Variants in SLC22A23 observed in about 807,000 individuals in gnomAD.
SLC22A23 encodes the protein solute carrier family 22 member 23.
A neutral mutation model predicts 61.0 loss-of-function variants in SLC22A23; 26 were observed. The ratio of observed to expected loss-of-function variants is 0.43; its 90% CI spans 0.31 to 0.59. The LOEUF is 0.59. SLC22A23 is among the 20% of genes least tolerant of loss of function. The pLI is 0.11. For synonymous variants in SLC22A23, 430 were observed against 413.9 expected (o/e 1.04, Z -0.47); for missense variants, 796 against 934.7 (o/e 0.85, Z 1.94).
At position 3,297,975 on chromosome 6, in the gene SLC22A23, C is replaced by T. The variant is rs1761262502; in HGVS notation, c.1210+116G>A. 1 of 1,276,914 alleles carries T rather than the reference C, an allele frequency of 7.8e-7. No individual in the cohort carries two copies. The highest frequency in any genetic ancestry group is 1.6e-5 in the African/African-American group (1 of 64,280). 79.1% of individuals were successfully genotyped at this position (1,276,914 alleles called of 1,614,324 possible). A position where few individuals can be genotyped will look rare whatever the true frequency, so the allele number is the denominator to read the frequency against. On this transcript the variant is annotated intron_variant, in intron 5 of 9. Coordinates refer to ENST00000406686, the MANE Select transcript of SLC22A23 (RefSeq NM_015482.2). This position sits in a 1 kb window ranked among gnomAD's most constrained non-coding sequence, Gnocchi z 4.3. Reference sequence around the variant, plus strand: ...ATTGCCCTTGTGCAGGCCAAAAGGTCACAGGAGAATTGCACAGCTGGTTAA... The same window carrying T: ...ATTGCCCTTGTGCAGGCCAAAAGGTTACAGGAGAATTGCACAGCTGGTTAA...
At chr6:3,290,105 A>T in intron 5 of SLC22A23, 1 of 562,602 alleles carries the variant, frequency 1.8e-6, no homozygotes, top group Non-Finnish European at 3.2e-6. Context: ...ACCAAGGTGC[A>T]CCGTCAGCAG....
At chr6:3,278,500 A>G (rs987355368) in intron 9 of SLC22A23, among the ~76,000 whole-genome samples, 18 of 152,202 alleles carry the variant, frequency 1.2e-4, no homozygotes, top group African/African-American at 3.9e-4. Flanking sequence ...TGTGCCTGTC[A>G]CCTTACTAGT....
rs541754728 is a variant in SLC22A23, at chr6:3,340,738, C to T, written c.914-16736G>A. ...ATGGGGCTACTGGGAAAAGGGCAGC[C>T]GCATGACGTGCTAGAGACATGAGAA... On this transcript the variant is annotated intron_variant, in intron 3 of 9. Transcript: ENST00000406686. 7.9e-5 allele frequency among the ~76,000 whole-genome samples: 12 copies of T among 152,228 alleles called. No homozygotes were observed. In the Middle Eastern group the frequency reaches 0.01, roughly 129 times the overall value.
intron 4 of SLC22A23, among the ~76,000 whole-genome samples, chr6:3,314,184 T>C (rs546095958): frequency 8.5e-5 from 13 of 152,260 alleles, no homozygotes; most frequent in Non-Finnish European, 1.8e-4. Context: ...TGTTAAACAA[T>C]GTACTTACAT....
At chr6:3,368,649 C>T (rs951692054) in intron 3 of SLC22A23, among the ~76,000 whole-genome samples, 3 of 152,132 alleles carry the variant, frequency 2.0e-5, no homozygotes, top group African/African-American at 7.2e-5. Flanking sequence ...AAAACAAATC[C>T]TCCAATGCAA....
Position 3,410,197 on chromosome 6 carries a change from A to G in SLC22A23, c.904T>C (p.Tyr302His), listed in dbSNP as rs769404024. The stretch of plus-strand genomic sequence containing the variant: ...GAAGGCTCCTACTTACGTAAAGCAT[A>G]CAAGGTGAGAATGATTCCAGCCAGG... ...FCLAGIILTL[Y>H]ALRIELCPPG... The change falls in exon 3 of 10, where the codon TAT becomes CAT. Residue 302 changes from tyrosine to histidine, a missense_variant. By Grantham distance (83) the Tyr-to-His change is moderately conservative (BLOSUM62 2). Coordinates refer to ENST00000406686, the MANE Select transcript of SLC22A23 (RefSeq NM_015482.2). This position sits in a 1 kb window ranked among gnomAD's most constrained non-coding sequence, Gnocchi z 5.0. The G allele has an allele frequency of 1.9e-6, 3 of 1,612,070 alleles. No individual in the cohort carries two copies. The highest frequency in any genetic ancestry group is 2.2e-5 in the South Asian group (2 of 90,556).
intron 5 of SLC22A23, among the ~76,000 whole-genome samples, chr6:3,296,300 A>T (rs4959801): frequency 3.5e-4 from 54 of 152,200 alleles, no homozygotes; most frequent in Non-Finnish European, 6.6e-4. Context: ...CCCTCATGTT[A>T]GAGCAGCGTG....
intron 4 of SLC22A23, among the ~76,000 whole-genome samples, chr6:3,307,871 C>T (rs1028039024): frequency 6.6e-6 from 1 of 152,140 alleles, no homozygotes; most frequent in African/African-American, 2.4e-5. Context: ...AAATGTGGTC[C>T]ATTTGTACAA....
chr6:3,414,764 T>C lies in SLC22A23; in HGVS notation c.758+988A>G, dbSNP rs73720720. On this transcript the variant is annotated intron_variant, in intron 2 of 9. Transcript: ENST00000406686. This position sits in a 1 kb window ranked among gnomAD's most constrained non-coding sequence, Gnocchi z 5.1. ...AAAAAATCCTTTAAAGATAAAAGAA[T>C]GTAAGCTGGGGAGACAGTTACACTA... 0.19 allele frequency among the ~76,000 whole-genome samples: 28,340 copies of C among 145,826 alleles called. 4,535 individuals carry two copies. Among genetic ancestry groups the C allele is most frequent in the African/African-American group, 0.45 (17,758 of 39,898 alleles).
In SLC22A23 at chr6:3,303,329, C is replaced by T. The variant is rs188178741; in HGVS notation, c.1083-5111G>A. ...CAAAAAACTACAAACAGAATTACCT[C>T]ATGACCCAGCAATCCCACTACTGGT... On this transcript the variant is annotated intron_variant, in intron 4 of 9. Coordinates refer to ENST00000406686, the MANE Select transcript of SLC22A23 (RefSeq NM_015482.2). The T allele has an allele frequency of 2.6e-5, 4 of 152,292 alleles. 1 individual carries two copies. The East Asian group carries it at 7.7e-4, about 29-fold the overall frequency. 9.4% of individuals were successfully genotyped at this position (152,292 alleles called of 1,614,324 possible). A position where few individuals can be genotyped will look rare whatever the true frequency, so the allele number is the denominator to read the frequency against.
intron 3 of SLC22A23, among the ~76,000 whole-genome samples, chr6:3,381,949 C>A (rs1009144528): frequency 6.6e-6 from 1 of 152,108 alleles, no homozygotes; most frequent in African/African-American, 2.4e-5. Flanking sequence ...TCTGTCTGCC[C>A]CAGGCCCATG....
intron 3 of SLC22A23, among the ~76,000 whole-genome samples, chr6:3,361,066 C>A (rs1324848259): frequency 1.4e-5 from 2 of 141,414 alleles, no homozygotes; most frequent in African/African-American, 2.6e-5. Context: ...CCACCCCCCC[C>A]ATTTTATGCC....
chr6:3,417,227 C>A (rs1211776414), intron 1 of SLC22A23, among the ~76,000 whole-genome samples: 1 of 152,144 alleles, frequency 6.6e-6, no homozygotes, highest in Non-Finnish European at 1.5e-5. Flanking sequence ...GCCCTGGACT[C>A]CTTGGGACAC....
At chr6:3,415,287 C>T (rs764791604) in intron 2 of SLC22A23, among the ~76,000 whole-genome samples, 1 of 152,210 alleles carries the variant, frequency 6.6e-6, no homozygotes, top group Non-Finnish European at 1.5e-5. Flanking sequence ...TGGCCAAGGA[C>T]TGCCCCTCTC....
chr6:3,400,940 CTTCCAA>C (rs1768344596), intron 3 of SLC22A23, among the ~76,000 whole-genome samples: 2 of 152,234 alleles, frequency 1.3e-5, no homozygotes, highest in Non-Finnish European at 2.9e-5. Flanking sequence ...ACCGACTTGC[CTTCCAA>C]TTCCATTTTT....
In SLC22A23 at chr6:3,272,889, C is replaced by G. The variant is rs905024390; in HGVS notation, c.*166G>C. On this transcript the variant is annotated 3_prime_UTR_variant, in exon 10 of 10. Transcript: ENST00000406686. ...TTTCCAAAGAGTTTGTCTCCTCCGA[C>G]CCGCGCTCCTTGGACTTTTGGAAAG... 1 of 602,212 alleles carries G rather than the reference C, an allele frequency of 1.7e-6. No homozygotes were observed. The highest frequency in any genetic ancestry group is 1.9e-5 in the African/African-American group (1 of 53,594). The allele number at this position is 602,212 out of a possible 1,614,324, so 37.3% of individuals were successfully genotyped here.
chr6:3,285,164 A>T, intron 7 of SLC22A23, 53 bp from the exon 8 acceptor site: 1 of 1,606,076 alleles, frequency 6.2e-7, no homozygotes. Context: ...AGCAAGCGAG[A>T]AGAGAGAAGA....
chr6:3,343,286 T>C (rs1412495594), intron 3 of SLC22A23, among the ~76,000 whole-genome samples: 2 of 152,194 alleles, frequency 1.3e-5, no homozygotes, highest in Admixed American at 1.3e-4. Flanking sequence ...AACCACACTC[T>C]TGCCTCGTAA....
intron 6 of SLC22A23, among the ~76,000 whole-genome samples, chr6:3,287,426 C>G (rs535268019): frequency 6.6e-6 from 1 of 152,138 alleles, no homozygotes; most frequent in Non-Finnish European, 1.5e-5. Flanking sequence ...TTTCCAGGTA[C>G]TGACTCATTT....
Sources: gnomAD v4.1 joint callset for allele counts (sites outside exome capture counted in the v4.1 genomes callset) on GRCh38, gnomAD v4.1.1 for gene constraint, Gnocchi (gnomAD v3.1) non-coding constraint, MANE v1.5 for transcripts, NCBI Gene and HGNC (gene_info 2026-07-23, HGNC 2026-07-21) for gene names.